LSAMP: variants seen among roughly 807,000 people sequenced by gnomAD.
The protein encoded by LSAMP is limbic system associated membrane protein, also known as limbic system-associated membrane protein.
A neutral mutation model predicts 38.6 loss-of-function variants in LSAMP; 7 were observed. The ratio of observed to expected loss-of-function variants is 0.18; its 90% CI spans 0.10 to 0.34. The LOEUF is 0.34. LSAMP is among the 10% of genes least tolerant of loss of function. The pLI is 1.00. For synonymous variants in LSAMP, 154 were observed against 166.8 expected, an observed-to-expected ratio of 0.92 and a Z score of 0.59; for missense variants, 313 against 420.0, an observed-to-expected ratio of 0.75 and a Z score of 2.23.
intron 3 of LSAMP, among the ~76,000 whole-genome samples, chr3:116,004,489 C>T (rs1331581546): frequency 6.7e-6 from 1 of 148,746 alleles, no homozygotes; most frequent in Admixed American, 6.8e-5. Context: ...TGCATACATA[C>T]ATGAAACCAA....
rs188258862 is a variant in LSAMP, at chr3:116,061,890, A to G, written c.388+24434T>C. ...AGCAAGGTATAAGTAGAAGGAATTC[A>G]AGGATATTATTGCTATTTCCATAAT... is the stretch of plus-strand genomic sequence containing the variant. On this transcript the variant is annotated intron_variant, in intron 2 of 6. Transcript: ENST00000490035. 1.9e-3 allele frequency among the ~76,000 whole-genome samples: 297 copies of G among 152,330 alleles called. 1 individual carries two copies. Among genetic ancestry groups the G allele is most frequent in the African/African-American group, 6.9e-3 (287 of 41,572 alleles).
intron 1 of LSAMP, among the ~76,000 whole-genome samples, chr3:116,146,208 A>G (rs1203935809): frequency 1.3e-5 from 2 of 151,904 alleles, no homozygotes; most frequent in Admixed American, 6.6e-5. Flanking sequence ...GTATTGGCCT[A>G]TAAAGCCTGA....
intron 1 of LSAMP, among the ~76,000 whole-genome samples, chr3:116,257,761 C>T (rs1425392789): frequency 6.6e-6 from 1 of 152,138 alleles, no homozygotes; most frequent in Admixed American, 6.5e-5. Context: ...ATTACACCTA[C>T]AGAGCTGCTG....
At chr3:116,245,413 T>C (rs1374006744) in intron 1 of LSAMP, among the ~76,000 whole-genome samples, 1 of 152,166 alleles carries the variant, frequency 6.6e-6, no homozygotes, top group East Asian at 1.9e-4. Flanking sequence ...GCTTTCCTCA[T>C]AAAAATCTCT....
intron 2 of LSAMP, among the ~76,000 whole-genome samples, chr3:116,070,365 C>G (rs1249687264): frequency 2.6e-5 from 4 of 151,934 alleles, no homozygotes; most frequent in Non-Finnish European, 4.4e-5. Flanking sequence ...TATTTAACAC[C>G]CTTTAAATAA....
intron 1 of LSAMP, among the ~76,000 whole-genome samples, chr3:116,155,092 C>T (rs1362096186): frequency 2.0e-5 from 3 of 151,912 alleles, no homozygotes; most frequent in African/African-American, 7.3e-5. Context: ...CTTGTAGACC[C>T]ACATAACACC....
intron 1 of LSAMP, among the ~76,000 whole-genome samples, chr3:116,272,671 T>C (rs1226771096): frequency 4.6e-5 from 7 of 152,118 alleles, no homozygotes; most frequent in Admixed American, 6.6e-5. Context: ...GGAATAACTA[T>C]TCATCTCCTG....
At chr3:115,854,975 G>C (rs1229107080) in intron 3 of LSAMP, among the ~76,000 whole-genome samples, 1 of 152,160 alleles carries the variant, frequency 6.6e-6, no homozygotes, top group Non-Finnish European at 1.5e-5. Flanking sequence ...GAATGTTTTA[G>C]TATTTCTTCT....
intron 1 of LSAMP, among the ~76,000 whole-genome samples, chr3:116,426,287 G>C (rs1260514854): frequency 6.6e-6 from 1 of 152,048 alleles, no homozygotes; most frequent in Non-Finnish European, 1.5e-5. Context: ...AGGAGCTCAA[G>C]ACCAGTCTGG....
At chr3:116,394,741 C>T (rs1257950609) in intron 1 of LSAMP, among the ~76,000 whole-genome samples, 1 of 152,198 alleles carries the variant, frequency 6.6e-6, no homozygotes, top group African/African-American at 2.4e-5. Context: ...ATTCCTGCTT[C>T]CTCAATTTAT....
intron 3 of LSAMP, among the ~76,000 whole-genome samples, chr3:115,926,196 AG>A (rs1937495274): frequency 6.6e-6 from 1 of 152,208 alleles, no homozygotes; most frequent in Non-Finnish European, 1.5e-5. Flanking sequence ...CGGCACTTAA[AG>A]AACAGTCTGG....
intron 1 of LSAMP, among the ~76,000 whole-genome samples, chr3:116,155,690 A>G (rs905576331): frequency 6.6e-6 from 1 of 152,086 alleles, no homozygotes; most frequent in African/African-American, 2.4e-5. Flanking sequence ...ATATATATAC[A>G]TACATATGCA....
intron 2 of LSAMP, among the ~76,000 whole-genome samples, chr3:116,059,394 C>T (rs951374087): frequency 6.6e-6 from 1 of 152,056 alleles, no homozygotes; most frequent in Non-Finnish European, 1.5e-5. Flanking sequence ...TCTTTTGGAA[C>T]CCCCTTGGTA....
chr3:115,804,135 A>G lies in LSAMP; in HGVS notation c.*6182T>C, dbSNP rs1933577846. The G allele has an allele frequency of 1.3e-5, 2 of 152,238 alleles. No homozygotes were observed. The highest frequency in any genetic ancestry group is 2.9e-5 in the Non-Finnish European group (2 of 68,044). The allele number at this position is 152,238 out of a possible 1,614,324, so 9.4% of individuals were successfully genotyped here. ...CAGAAAAAATTTACAGACCCAGTCCAGAGTCCCTGTATTCTAGCAGTTTTG... is the reference window on the plus strand; with the variant it reads ...CAGAAAAAATTTACAGACCCAGTCCGGAGTCCCTGTATTCTAGCAGTTTTG... On this transcript the variant is annotated 3_prime_UTR_variant, in exon 7 of 7. Transcript: ENST00000490035.
chr3:116,170,784 T>A (rs1018719022), intron 1 of LSAMP, among the ~76,000 whole-genome samples: 1 of 152,106 alleles, frequency 6.6e-6, no homozygotes, highest in South Asian at 2.1e-4. Context: ...TGACTCAAAC[T>A]GATTTACACA....
intron 1 of LSAMP, among the ~76,000 whole-genome samples, chr3:116,273,685 T>TATATATATATATATATA (rs2047005517): frequency 2.3e-4 from 1 of 4,424 alleles, no homozygotes; most frequent in African/African-American, 4.3e-4. Flanking sequence ...GAAAGAGGCA[T>TATATATATATATATATA]ATATATATAT....
chr3:116,382,372 G>A (rs1229330802), intron 1 of LSAMP, among the ~76,000 whole-genome samples: 1 of 151,930 alleles, frequency 6.6e-6, no homozygotes, highest in Non-Finnish European at 1.5e-5. Context: ...GATGAAGCTG[G>A]AAACCATCAT....
chr3:115,810,239 C>G lies in LSAMP; in HGVS notation c.*78G>C, dbSNP rs564230293. 1,421 of 977,508 alleles carry G rather than the reference C, an allele frequency of 1.5e-3. 8 individuals carry two copies. In the African/African-American group the frequency reaches 0.016, roughly 11 times the overall value. 60.6% of individuals were successfully genotyped at this position (977,508 alleles called of 1,614,324 possible). Reference sequence around the variant, plus strand: ...CTCCCCCATCTCTCTCTCTCTCTCTCTCTCTGTCTCTCTCTCTCTGTATTC... The same window carrying G: ...CTCCCCCATCTCTCTCTCTCTCTCTGTCTCTGTCTCTCTCTCTCTGTATTC... On this transcript the variant is annotated 3_prime_UTR_variant, in exon 7 of 7. Coordinates refer to ENST00000490035, the MANE Select transcript of LSAMP (RefSeq NM_002338.5).
chr3:116,049,853 TG>T (rs1941360091), intron 2 of LSAMP, among the ~76,000 whole-genome samples: 1 of 152,196 alleles, frequency 6.6e-6, no homozygotes, highest in African/African-American at 2.4e-5. Context: ...ACACTAGATA[TG>T]TTTTTTACTC....
Sources: gnomAD v4.1 joint callset for allele counts (sites outside exome capture counted in the v4.1 genomes callset) on GRCh38, gnomAD v4.1.1 for gene constraint, MANE v1.5 for transcripts, NCBI Gene and HGNC (gene_info 2026-07-23, HGNC 2026-07-21) for gene names.